UAP1: variants seen among roughly 807,000 people sequenced by gnomAD.
The protein encoded by UAP1 is UDP-N-acetylhexosamine pyrophosphorylase.
UAP1 carries 25 observed loss-of-function variants against 58.5 expected under a neutral mutation model. That is an observed-to-expected ratio of 0.43 (90% CI 0.31 to 0.60). UAP1 has a LOEUF of 0.60. UAP1 is among the 20% of genes least tolerant of loss of function. The pLI is 0.11. For missense variants in UAP1, 575 were observed against 630.0 expected (o/e 0.91, Z 0.93); for synonymous variants, 208 against 213.0 (o/e 0.98, Z 0.21).
At chr1:162,585,211 T>G (rs1654829508) in intron 5 of UAP1, among the ~76,000 whole-genome samples, 1 of 152,198 alleles carries the variant, frequency 6.6e-6, no homozygotes, top group South Asian at 2.1e-4. Context: ...TTTTCTGGAT[T>G]AAACTTATGA....
At chr1:162,594,414 A>G (rs956618365) in intron 9 of UAP1, among the ~76,000 whole-genome samples, 4 of 152,166 alleles carry the variant, frequency 2.6e-5, no homozygotes, top group African/African-American at 9.7e-5. Flanking sequence ...GTAAATACAG[A>G]TGAAGCTTTA....
chr1:162,584,066 A>T (rs1306042543), intron 5 of UAP1, among the ~76,000 whole-genome samples: 1 of 152,224 alleles, frequency 6.6e-6, no homozygotes, highest in Non-Finnish European at 1.5e-5. Context: ...CATACTCTTC[A>T]GATTAGTTTT....
rs944736877 is a variant in UAP1, at chr1:162,589,999, A to G, written c.1170-324A>G. 9.6e-4 allele frequency among the ~76,000 whole-genome samples: 145 copies of G among 150,486 alleles called. 1 individual carries two copies. Among genetic ancestry groups the G allele is most frequent in the Non-Finnish European group, 2.5e-4 (17 of 67,692 alleles). On this transcript the variant is annotated intron_variant, in intron 7 of 10. Transcript: ENST00000271469. ...AAAATAAATAAATAAAATGAAATTA[A>G]TCTTTCCATTTCTAAATCATTTTTT...
At chr1:162,599,047 T>C (rs1655781603) in intron 10 of UAP1, among the ~76,000 whole-genome samples, 1 of 152,176 alleles carries the variant, frequency 6.6e-6, no homozygotes, top group African/African-American at 2.4e-5. Context: ...TCTTATTAAC[T>C]GTAGAAATGA....
At chr1:162,578,886 C>G (rs1186219028) in intron 3 of UAP1, among the ~76,000 whole-genome samples, 2 of 152,194 alleles carry the variant, frequency 1.3e-5, no homozygotes, top group African/African-American at 4.8e-5. Context: ...AAAGCTACCA[C>G]AGTCACTAAT....
chr1:162,589,330 A>C (rs914114547), intron 7 of UAP1, among the ~76,000 whole-genome samples: 7 of 140,258 alleles, frequency 5.0e-5, no homozygotes, highest in African/African-American at 1.9e-4. Context: ...ATATTTATTT[A>C]TTAAATGTGA....
intron 2 of UAP1, among the ~76,000 whole-genome samples, chr1:162,570,071 C>T (rs529292881): frequency 2.6e-5 from 4 of 152,060 alleles, no homozygotes; most frequent in African/African-American, 9.6e-5. Context: ...ATGGTGTAAA[C>T]CCAGGAGGCG....
intron 9 of UAP1, chr1:162,593,816 T>A (rs1199492873): frequency 1.3e-5 from 2 of 151,882 alleles, no homozygotes; most frequent in Non-Finnish European, 2.9e-5. Context: ...GGGCAAAAGA[T>A]CTGGAGATGG....
At chr1:162,580,560 A>C (rs1352669811) in intron 4 of UAP1, among the ~76,000 whole-genome samples, 1 of 152,236 alleles carries the variant, frequency 6.6e-6, no homozygotes, top group African/African-American at 2.4e-5. Flanking sequence ...GTTTATGAGA[A>C]TCTGTACTTG....
downstream of UAP1, among the ~76,000 whole-genome samples, chr1:162,600,746 T>C (rs1300386645): frequency 6.6e-6 from 1 of 152,112 alleles, no homozygotes. Flanking sequence ...ATATTTTCTA[T>C]TTTATTTCAA....
chr1:162,579,666 G>A, intron 4 of UAP1, 63 bp downstream of exon 4: 2 of 1,325,438 alleles, frequency 1.5e-6, no homozygotes, highest in South Asian at 3.4e-5. Flanking sequence ...ATCAAATGTT[G>A]ATTTTCTTTT....
chr1:162,574,795 A>ATT (rs564861581), intron 2 of UAP1, among the ~76,000 whole-genome samples: 3 of 146,668 alleles, frequency 2.0e-5, no homozygotes, highest in East Asian at 4.0e-4. Flanking sequence ...TTATGGCAAG[A>ATT]TTTTTTTTTT....
chr1:162,589,138 A>G (rs1557977287), intron 7 of UAP1, among the ~76,000 whole-genome samples: 1 of 104,972 alleles, frequency 9.5e-6, no homozygotes, highest in African/African-American at 4.0e-5. Flanking sequence ...TATAATTTAT[A>G]TATTTATATA....
At chr1:162,567,659 A>G (rs1395593308) in intron 2 of UAP1, among the ~76,000 whole-genome samples, 3 of 152,190 alleles carry the variant, frequency 2.0e-5, no homozygotes, top group Admixed American at 1.3e-4. Flanking sequence ...ACTTGGGCAA[A>G]TACTTTCCTT....
At chr1:162,598,826 C>T (rs1433219201) in intron 10 of UAP1, among the ~76,000 whole-genome samples, 2 of 152,026 alleles carry the variant, frequency 1.3e-5, no homozygotes, top group Admixed American at 6.6e-5. Flanking sequence ...CCAGCCTGGC[C>T]AACATGATGA....
intron 1 of UAP1, among the ~76,000 whole-genome samples, chr1:162,565,121 C>A (rs1226162461): frequency 1.3e-5 from 2 of 152,078 alleles, no homozygotes; most frequent in African/African-American, 4.8e-5. Flanking sequence ...GCTGGGATTA[C>A]AGGTGTGAGC....
At chr1:162,589,147 T>A (rs1210676949) in intron 7 of UAP1, among the ~76,000 whole-genome samples, 1 of 98,800 alleles carries the variant, frequency 1.0e-5, no homozygotes, top group Non-Finnish European at 1.9e-5. Context: ...TATATTTATA[T>A]AATATATATT....
chr1:162,587,595 G>A (rs754428047), exon 6 of UAP1: 12 of 1,613,930 alleles, frequency 7.4e-6, no homozygotes, highest in Middle Eastern at 1.6e-4. Flanking sequence ...AAGCTCAGAC[G>A]GACGACTGCT....
At chr1:162,599,431 T>A in exon 11 of UAP1, 1 of 1,008,510 alleles carries the variant, frequency 9.9e-7, no homozygotes, top group East Asian at 2.5e-5. Flanking sequence ...ACTGTGAACC[T>A]ACAAGACGTC....
Sources: allele counts gnomAD v4.1 joint callset (sites outside exome capture counted in the v4.1 genomes callset), GRCh38; gene constraint gnomAD v4.1.1; transcripts MANE v1.5; gene names NCBI Gene and HGNC (gene_info 2026-07-23, HGNC 2026-07-21).